Variants in STAT5B observed in about 807,000 individuals in gnomAD.
STAT5B encodes the protein signal transducer and activator of transcription 5B, also known as transcription factor STAT5B.
STAT5B carries 21 observed loss-of-function variants against 107.8 expected under a neutral mutation model. The ratio of observed to expected loss-of-function variants is 0.19; its 90% CI spans 0.14 to 0.28. The LOEUF is 0.28. Among genes scored for constraint, STAT5B ranks in the 10% least tolerant of loss-of-function variants. The probability of loss-of-function intolerance (pLI) is 1.00; values close to 1 mark genes in which losing one functional copy is unlikely to be tolerated. For missense variants in STAT5B, 565 were observed against 1,008.2 expected (o/e 0.56, Z 5.95); for synonymous variants, 325 against 401.7 (o/e 0.81, Z 2.28).
intron 5 of STAT5B, among the ~76,000 whole-genome samples, chr17:42,222,292 G>T (rs1377038461): frequency 1.3e-5 from 2 of 152,024 alleles, no homozygotes; most frequent in African/African-American, 2.4e-5. Flanking sequence ...AACTATTAAA[G>T]CTCAAACTGC....
chr17:42,219,087 C>A (rs1351003657), intron 7 of STAT5B, among the ~76,000 whole-genome samples: 2 of 152,170 alleles, frequency 1.3e-5, no homozygotes, highest in African/African-American at 4.8e-5. Flanking sequence ...CAAGCATCAC[C>A]CCACACACCC....
intron 1 of STAT5B, among the ~76,000 whole-genome samples, chr17:42,238,443 T>G (rs1313938843): frequency 2.0e-5 from 3 of 147,218 alleles, no homozygotes; most frequent in African/African-American, 7.6e-5. Flanking sequence ...CAAGCCATTG[T>G]GCCTGGCCTT....
At chr17:42,274,930 G>A (rs898809397) in intron 1 of STAT5B, 1 of 152,172 alleles carries the variant, frequency 6.6e-6, no homozygotes, top group Non-Finnish European at 1.5e-5. Context: ...ACCACTTGAA[G>A]ACTGAAAAAA....
intron 1 of STAT5B, among the ~76,000 whole-genome samples, chr17:42,263,093 T>C (rs1432067311): frequency 7.0e-6 from 1 of 142,448 alleles, no homozygotes; most frequent in Non-Finnish European, 1.5e-5. Flanking sequence ...GGGAGTGCAA[T>C]GGCACCATTA....
At chr17:42,264,702 T>C (rs1388173312) in intron 1 of STAT5B, among the ~76,000 whole-genome samples, 291 of 150,024 alleles carry the variant, frequency 1.9e-3, no homozygotes, top group Non-Finnish European at 2.8e-3. Flanking sequence ...GCATGATTTA[T>C]AGTCCTTTGG....
intron 15 of STAT5B, 72 bp downstream of exon 15, chr17:42,210,099 C>G (rs2080116540): frequency 3.1e-6 from 5 of 1,609,720 alleles, no homozygotes; most frequent in Non-Finnish European, 4.2e-6. Flanking sequence ...TAAGTACCCA[C>G]TAAATTATTT....
chr17:42,256,830 C>G (rs2080549285), intron 1 of STAT5B, among the ~76,000 whole-genome samples: 1 of 133,524 alleles, frequency 7.5e-6, no homozygotes, highest in African/African-American at 3.0e-5. Context: ...CCACTGCACT[C>G]CAGCCTGGGT....
At chr17:42,241,489 C>G (rs1450430257) in intron 1 of STAT5B, among the ~76,000 whole-genome samples, 1 of 150,520 alleles carries the variant, frequency 6.6e-6, no homozygotes, top group Non-Finnish European at 1.5e-5. Flanking sequence ...GTCACCCAGG[C>G]TGGAGTGCAG....
At chr17:42,242,945 T>A (rs2080416950) in intron 1 of STAT5B, among the ~76,000 whole-genome samples, 1 of 151,756 alleles carries the variant, frequency 6.6e-6, no homozygotes. Flanking sequence ...TTAAGAGTCA[T>A]CACCACTCCC....
In STAT5B at chr17:42,200,682, CAA is replaced by C. The variant is rs2080036795; in HGVS notation, c.*1054_*1055del. 6.3e-6 allele frequency: 1 copy of C among 159,478 alleles called. No homozygotes were observed. Among genetic ancestry groups the C allele is most frequent in the Non-Finnish European group, 1.4e-5 (1 of 72,930 alleles). 9.9% of individuals were successfully genotyped at this position (159,478 alleles called of 1,614,324 possible). A position where few individuals can be genotyped will look rare whatever the true frequency, so the allele number is the denominator to read the frequency against. On this transcript the variant is annotated 3_prime_UTR_variant, in exon 19 of 19. Coordinates refer to ENST00000293328, the MANE Select transcript of STAT5B (RefSeq NM_012448.4). ...TTTGAATGACCCAGGGCCCAATGCA[CAA>C]GAGAGAATTTTGATGTCAAATTAGG... is the stretch of plus-strand genomic sequence containing the variant.
rs748926789 is a variant in STAT5B, at chr17:42,223,367, T to G, written c.550+15A>C. ...CAATCCTCAAGTTGCACAATGTGCC[T>G]CCACCGCGCCTCACCTTGGATCCTC... On this transcript the variant is annotated intron_variant, in intron 5 of 18. Transcript: ENST00000293328. The G allele has an allele frequency of 1.9e-6, 3 of 1,614,138 alleles. No individual in the cohort carries two copies. In the East Asian group the frequency reaches 6.7e-5, roughly 36 times the overall value.
chr17:42,281,139 A>AC (rs1487077396), upstream of STAT5B, among the ~76,000 whole-genome samples: 144 of 152,196 alleles, frequency 9.5e-4, no homozygotes, highest in African/African-American at 3.3e-3. Flanking sequence ...GTCTCAAAAA[A>AC]AAAAAACAAA....
chr17:42,264,387 G>A (rs1288387333), intron 1 of STAT5B, among the ~76,000 whole-genome samples: 2 of 127,762 alleles, frequency 1.6e-5, no homozygotes, highest in Non-Finnish European at 3.1e-5. Context: ...TCCCCAGAGT[G>A]TGATGTTCCC....
chr17:42,265,377 C>CCTTTTTTTTTTTTTTTTTTTTTTTTTTTT lies in STAT5B; in HGVS notation c.-11+10870_-11+10871insAAAAAAAAAAAAAAAAAAAAAAAAAAAAG, dbSNP rs1555553898. On this transcript the variant is annotated intron_variant, in intron 1 of 18. Coordinates refer to ENST00000293328, the MANE Select transcript of STAT5B (RefSeq NM_012448.4). ...GCTAAGTCAAAGGGTATGTACTCTT[C>CCTTTTTTTTTTTTTTTTTTTTTTTTTTTT]TTTTTTTTTTTTGAGACGAAGTCTC... is the stretch of plus-strand genomic sequence containing the variant. 6.3e-5 allele frequency among the ~76,000 whole-genome samples: 7 copies of CCTTTTTTTTTTTTTTTTTTTTTTTTTTTT among 110,594 alleles called. 1 individual carries two copies. Among genetic ancestry groups the CCTTTTTTTTTTTTTTTTTTTTTTTTTTTT allele is most frequent in the African/African-American group, 2.2e-4 (6 of 27,664 alleles). 72.6% of individuals were successfully genotyped at this position (110,594 alleles called of 152,430 possible). A position where few individuals can be genotyped will look rare whatever the true frequency, so the allele number is the denominator to read the frequency against.
intron 1 of STAT5B, among the ~76,000 whole-genome samples, chr17:42,235,971 G>T (rs1170825275): frequency 6.6e-6 from 1 of 152,112 alleles, no homozygotes; most frequent in East Asian, 1.9e-4. Flanking sequence ...GCATGTAGGG[G>T]TATTAAAAAA....
chr17:42,205,267 G>C (rs1414011623), intron 16 of STAT5B, among the ~76,000 whole-genome samples: 1 of 151,956 alleles, frequency 6.6e-6, no homozygotes, highest in African/African-American at 2.4e-5. Context: ...CTGACCTCAA[G>C]TGATCCACCT....
chr17:42,255,978 C>G (rs1185473253), intron 1 of STAT5B, among the ~76,000 whole-genome samples: 2 of 152,114 alleles, frequency 1.3e-5, no homozygotes, highest in Non-Finnish European at 2.9e-5. Flanking sequence ...ATCCCAGCTA[C>G]TCAGGAGGCT....
upstream of STAT5B, among the ~76,000 whole-genome samples, chr17:42,277,410 A>G (rs1263502539): frequency 6.6e-6 from 1 of 152,206 alleles, no homozygotes; most frequent in Admixed American, 6.5e-5. Context: ...GAGATGGCCC[A>G]GAGCTGCAAG....
intron 1 of STAT5B, among the ~76,000 whole-genome samples, chr17:42,256,723 G>A (rs62076928): frequency 0.26 from 39,734 of 151,574 alleles, 5,441 homozygotes; most frequent in South Asian, 0.42. Context: ...TTAGCCGGGT[G>A]TGGTGGCAGA....
Sources: gnomAD v4.1 joint callset for allele counts (sites outside exome capture counted in the v4.1 genomes callset) on GRCh38, gnomAD v4.1.1 for gene constraint, MANE v1.5 for transcripts, NCBI Gene and HGNC (gene_info 2026-07-23, HGNC 2026-07-21) for gene names.